TTC16: variants seen among roughly 807,000 people sequenced by gnomAD.
TTC16 encodes the protein tetratricopeptide repeat protein 16.
TTC16 carries 66 observed loss-of-function variants against 80.4 expected under a neutral mutation model. The observed-to-expected ratio is 0.82, with a 90% confidence interval of 0.67 to 1.01. TTC16 has a LOEUF of 1.01. Ranked by LOEUF, TTC16 falls within the 50% of genes least tolerant of loss-of-function variation. The pLI is 0.00. For missense variants in TTC16, 1,070 were observed against 1,103.2 expected, an observed-to-expected ratio of 0.97 and a Z score of 0.43; for synonymous variants, 438 against 451.3, an observed-to-expected ratio of 0.97 and a Z score of 0.37.
intron 10 of TTC16, 74 bp downstream of exon 10, chr9:127,726,478 A>G (rs1843969859): frequency 2.8e-6 from 4 of 1,431,322 alleles, no homozygotes; most frequent in Non-Finnish European, 3.7e-6. Flanking sequence ...TCGGCCCCCA[A>G]AGAAATCTGG....
Position 127,731,396 on chromosome 9 carries a change from A to T in TTC16, c.2613A>T (p.Glu871Asp). 1 of 1,611,006 alleles carries T rather than the reference A, an allele frequency of 6.2e-7. No individual in the cohort carries two copies. Among genetic ancestry groups the T allele is most frequent in the Non-Finnish European group, 8.5e-7 (1 of 1,178,756 alleles). ...TTGATCAGGACCTCACCTACTATGA[A>T]GCTGTCTGAAGGGACCATCCAGACC... ...TEVDQDLTYY[E>D]AV Residue 871 changes from glutamate (E) to aspartate (D), a missense_variant, in exon 14 of 14, where the codon GAA (glutamate) becomes GAT (aspartate). By Grantham distance (45) the Glu-to-Asp change is conservative. Coordinates refer to ENST00000373289, the MANE Select transcript of TTC16 (RefSeq NM_144965.3).
chr9:127,724,838 C>T lies in TTC16; in HGVS notation c.1200C>T (p.Gly400=). Residue 400 remains glycine (G), a synonymous_variant, in exon 9 of 14, where the codon GGC becomes GGT. Coordinates refer to ENST00000373289, the MANE Select transcript of TTC16 (RefSeq NM_144965.3). ...QALALSPQDE[G]ANTRMGLLQE... Reference sequence around the variant, plus strand: ...TGGCGCTGAGCCCTCAGGACGAGGGCGCCAACACGCGCATGGGCCTGCTGC... The same window carrying T: ...TGGCGCTGAGCCCTCAGGACGAGGGTGCCAACACGCGCATGGGCCTGCTGC... 3 of 1,598,500 alleles carry T rather than the reference C, an allele frequency of 1.9e-6. No individual in the cohort carries two copies. The highest frequency in any genetic ancestry group is 1.1e-5 in the South Asian group (1 of 89,200).
chr9:127,724,078 C>T (rs577235656), intron 7 of TTC16, 42 bp from the exon 8 acceptor site: 100 of 1,509,596 alleles, frequency 6.6e-5, no homozygotes, highest in Non-Finnish European at 8.1e-5. Context: ...GGTGCACTGG[C>T]GCTCATGTCC....
chr9:127,720,437 G>A (rs370886986), intron 6 of TTC16, 42 bp downstream of exon 6: 18 of 1,608,210 alleles, frequency 1.1e-5, no homozygotes, highest in Admixed American at 3.3e-5. Context: ...CCCCAACCTG[G>A]GAGTCCTCAG....
At position 127,720,358 on chromosome 9, in the gene TTC16, A is replaced by G. The variant is rs774587629; in HGVS notation, c.620A>G (p.Tyr207Cys). 1.2e-5 allele frequency: 19 copies of G among 1,613,164 alleles called. No homozygotes were observed. Among genetic ancestry groups the G allele is most frequent in the Non-Finnish European group, 1.5e-5 (18 of 1,179,970 alleles). The part of the protein sequence containing the change: ...LKQDTTNADV[Y>C]IFRARLYNFL... ...CAGGACACCACCAACGCCGATGTCT[A>G]CATCTTCCGGGCCAGACTCTACAAC... Residue 207 changes from tyrosine (Y) to cysteine (C), a missense_variant, in exon 6 of 14, where the codon TAC becomes TGC. Tyr to Cys is a radical substitution (Grantham distance 194, BLOSUM62 -2). Coordinates refer to ENST00000373289, the MANE Select transcript of TTC16 (RefSeq NM_144965.3).
chr9:127,716,565 T>A, intron 1 of TTC16: 1 of 542,486 alleles, frequency 1.8e-6, no homozygotes, highest in Non-Finnish European at 3.3e-6. Context: ...AAGTGGGAGC[T>A]GGGAAGGCCC....
rs1844231565 is a variant in TTC16, at chr9:127,729,662, A to G, written c.1846A>G (p.Met616Val). 3 of 1,613,346 alleles carry G rather than the reference A, an allele frequency of 1.9e-6. No individual in the cohort carries two copies. Among genetic ancestry groups the G allele is most frequent in the Non-Finnish European group, 1.7e-6 (2 of 1,179,964 alleles). ...TGACCAGACCTCTTCAGCCTCCAGC[A>G]TGAGCTGTAAGTCCCTGGTGCTTCC... is the stretch of plus-strand genomic sequence containing the variant. ...YLDQTSSASSMSFRTTGTSET... is the reference protein window; with the variant it reads ...YLDQTSSASSVSFRTTGTSET... Residue 616 changes from methionine to valine, a missense_variant, in exon 13 of 14, where the codon ATG becomes GTG. Transcript: ENST00000373289.
chr9:127,726,637 A>C (rs1184037495), intron 10 of TTC16, among the ~76,000 whole-genome samples: 1 of 151,962 alleles, frequency 6.6e-6, no homozygotes, highest in Non-Finnish European at 1.5e-5. Flanking sequence ...AAAATACAAA[A>C]AGCAGCCAGG....
chr9:127,719,747 C>T (rs929569631), intron 4 of TTC16, among the ~76,000 whole-genome samples: 4 of 152,208 alleles, frequency 2.6e-5, no homozygotes, highest in African/African-American at 9.6e-5. Context: ...CCTGCCTGGG[C>T]CTCCCAAAGT....
At chr9:127,716,817 C>T (rs777281075) in intron 1 of TTC16, 27 bp from the exon 2 acceptor site, 9 of 1,591,948 alleles carry the variant, frequency 5.7e-6, no homozygotes, top group Admixed American at 3.4e-5. Context: ...CGGGGGCCTG[C>T]TCCAGCTTGC....
chr9:127,730,475 G>C, intron 13 of TTC16, 161 bp from the exon 14 acceptor site: 2 of 1,068,830 alleles, frequency 1.9e-6, no homozygotes, highest in East Asian at 5.2e-5. Context: ...TCAGGGTCTG[G>C]GTCGCTGGGG....
At chr9:127,727,542 G>A (rs548620669) in intron 12 of TTC16, 77 bp downstream of exon 12, 7 of 1,511,588 alleles carry the variant, frequency 4.6e-6, no homozygotes, top group Admixed American at 4.3e-5. Context: ...GCTGAAGGAT[G>A]CAGGCCAGTG....
At position 127,717,373 on chromosome 9, in the gene TTC16, G is replaced by A; in HGVS notation, c.231G>A (p.Trp77Ter). The A allele has an allele frequency of 6.2e-7, 1 of 1,612,778 alleles. No individual in the cohort carries two copies. Among genetic ancestry groups the A allele is most frequent in the Non-Finnish European group, 8.5e-7 (1 of 1,180,030 alleles). The part of the protein sequence containing the change: ...RGQQCLEQAD[W>*]ETAVLLFSRA... ...AGCAGTGCTTGGAGCAGGCAGACTG[G>A]GAGACAGCTGTGCTGCTCTTCTCCC... The change falls in exon 3 of 14, where the codon TGG (tryptophan) becomes TGA (stop). Residue 77 changes from tryptophan (W) to a stop codon, truncating the protein, a stop_gained. Transcript: ENST00000373289. LOFTEE classifies it high-confidence loss of function.
Position 127,717,712 on chromosome 9 carries a change from C to T in TTC16, c.366C>T (p.Tyr122=). 1 of 1,614,014 alleles carries T rather than the reference C, an allele frequency of 6.2e-7. No homozygotes were observed. The highest frequency in any genetic ancestry group is 8.5e-7 in the Non-Finnish European group (1 of 1,180,030). ...CCGCCCAGAACCTGCGAAGGGCCTA[C>T]TCATTACAGCAGGACAACTGCAAGC... ...SSAAQNLRRA[Y]SLQQDNCKHL... The change falls in exon 4 of 14, where the codon TAC becomes TAT. Residue 122 remains tyrosine, a synonymous_variant. Transcript: ENST00000373289.
At chr9:127,727,699 G>A in intron 12 of TTC16, 1 of 784,754 alleles carries the variant, frequency 1.3e-6, no homozygotes, top group Non-Finnish European at 1.8e-6. Context: ...AGGAGTCACA[G>A]CCCTGCTCAT....
At chr9:127,723,459 TC>T in intron 7 of TTC16, 126 bp downstream of exon 7, 6 of 897,250 alleles carry the variant, frequency 6.7e-6, no homozygotes, top group Non-Finnish European at 1.0e-5. Context: ...TAACAGTCTT[TC>T]CCTACTTCCT....
Position 127,724,202 on chromosome 9 carries a change from C to G in TTC16, c.955C>G (p.Gln319Glu), listed in dbSNP as rs765584430. The change falls in exon 8 of 14, where the codon CAG (glutamine) becomes GAG (glutamate). Residue 319 changes from glutamine to glutamate, a missense_variant. Transcript: ENST00000373289. ...GGTGCTGGACATGGTGACCGAGGAC[C>G]AGGAGGACATGGTGCGGCAGGCACA... Reference protein sequence around the residue: ...LKVLDMVTEDQEDMVRQAQRQ... With the variant: ...LKVLDMVTEDEEDMVRQAQRQ... 1.9e-6 allele frequency: 3 copies of G among 1,613,318 alleles called. No homozygotes were observed. The highest frequency in any genetic ancestry group is 2.5e-6 in the Non-Finnish European group (3 of 1,180,016).
chr9:127,719,233 C>G (rs1175396750), intron 4 of TTC16, among the ~76,000 whole-genome samples: 1 of 151,496 alleles, frequency 6.6e-6, no homozygotes, highest in East Asian at 2.0e-4. Flanking sequence ...AAATTCTGTT[C>G]TTAAAAAGAA....
At position 127,726,906 on chromosome 9, in the gene TTC16, G is replaced by A; in HGVS notation, c.1426-64G>A. 2.5e-6 allele frequency: 4 copies of A among 1,603,762 alleles called. No homozygotes were observed. In the South Asian group the frequency reaches 4.4e-5, roughly 18 times the overall value. On this transcript the variant is annotated intron_variant, in intron 10 of 13. Coordinates refer to ENST00000373289, the MANE Select transcript of TTC16 (RefSeq NM_144965.3). ...AATCTGGCTGTGCAGGGTCAGGGCA[G>A]CATCGTGCTGTCTGTCTGCTGCTCT...
Sources: gnomAD v4.1 joint callset for allele counts (sites outside exome capture counted in the v4.1 genomes callset) on GRCh38, gnomAD v4.1.1 for gene constraint, MANE v1.5 for transcripts, NCBI Gene and HGNC (gene_info 2026-07-23, HGNC 2026-07-21) for gene names.